SPAG17: variants seen among roughly 807,000 people sequenced by gnomAD.
SPAG17 encodes the protein sperm-associated antigen 17.
A neutral mutation model predicts 273.6 loss-of-function variants in SPAG17; 169 were observed. The ratio of observed to expected loss-of-function variants is 0.62; its 90% confidence interval spans 0.55 to 0.70. The LOEUF (loss-of-function observed/expected upper bound fraction) is 0.70, where lower values mean the gene tolerates loss of function less well. Among genes scored for constraint, SPAG17 ranks in the 30% least tolerant of loss-of-function variants. The pLI is 0.00. For synonymous variants in SPAG17, 825 were observed against 873.2 expected, an observed-to-expected ratio of 0.94 and a Z score of 0.97; for missense variants, 2,557 against 2,627.8, an observed-to-expected ratio of 0.97 and a Z score of 0.59.
intron 4 of SPAG17, among the ~76,000 whole-genome samples, chr1:118,105,857 A>AG (rs35524903): frequency 2.2e-4 from 6 of 27,166 alleles, no homozygotes; most frequent in African/African-American, 1.5e-3. Context: ...ATCAAAAAAG[A>AG]AAAAAAAAGA....
At chr1:118,045,667 C>G (rs1054316525) in intron 20 of SPAG17, among the ~76,000 whole-genome samples, 1 of 152,120 alleles carries the variant, frequency 6.6e-6, no homozygotes, top group Non-Finnish European at 1.5e-5. Flanking sequence ...GTGGAAACCT[C>G]CAAATGAGTA....
chr1:118,081,690 A>AT (rs1223761466), intron 13 of SPAG17, 48 bp from the exon 14 acceptor site: 2 of 1,501,002 alleles, frequency 1.3e-6, no homozygotes, highest in African/African-American at 1.4e-5. Flanking sequence ...TTATTAGCAC[A>AT]TGGTACAGGG....
intron 1 of SPAG17, among the ~76,000 whole-genome samples, chr1:118,155,625 AC>A (rs1659611758): frequency 1.3e-5 from 2 of 152,182 alleles, no homozygotes; most frequent in South Asian, 4.1e-4. Context: ...AGCTATATGA[AC>A]CAGTAGTGGT....
chr1:118,142,003 T>C (rs1242690555), intron 3 of SPAG17, among the ~76,000 whole-genome samples: 1 of 151,292 alleles, frequency 6.6e-6, no homozygotes, highest in Non-Finnish European at 1.5e-5. Flanking sequence ...CTTTCAGTAA[T>C]CATACTCCAC....
chr1:118,071,547 G>A (rs1405264074), intron 17 of SPAG17, among the ~76,000 whole-genome samples: 2 of 152,102 alleles, frequency 1.3e-5, no homozygotes, highest in Non-Finnish European at 2.9e-5. Flanking sequence ...CTACTTGGGA[G>A]GTTGAGGCAG....
chr1:117,953,948 A>G lies in SPAG17; in HGVS notation c.*102T>C. ...ATTTCTGGTCAGTTCTTCCAGTTTC[A>G]GTGTCCTGGGATGATGGAGTATGTT... On this transcript the variant is annotated 3_prime_UTR_variant, in exon 49 of 49. Coordinates refer to ENST00000336338, the MANE Select transcript of SPAG17 (RefSeq NM_206996.4). The G allele has an allele frequency of 2.1e-6, 3 of 1,415,026 alleles. No homozygotes were observed. The East Asian group carries it at 7.0e-5, about 33-fold the overall frequency. The allele number at this position is 1,415,026 out of a possible 1,614,324, so 87.7% of individuals were successfully genotyped here.
chr1:118,057,145 T>G (rs967408015), intron 18 of SPAG17, among the ~76,000 whole-genome samples: 5 of 152,146 alleles, frequency 3.3e-5, no homozygotes, highest in African/African-American at 1.2e-4. Context: ...CCCGGCTTCT[T>G]ATTTTCTTAT....
At chr1:118,184,998 G>C in intron 1 of SPAG17, 73 bp downstream of exon 1, 3 of 1,290,318 alleles carry the variant, frequency 2.3e-6, no homozygotes, top group Non-Finnish European at 3.4e-6. Context: ...GCCTTAAGGC[G>C]TCGCCTAGGA....
chr1:118,028,897 A>C (rs750957823), intron 25 of SPAG17, among the ~76,000 whole-genome samples: 1 of 152,162 alleles, frequency 6.6e-6, no homozygotes, highest in Non-Finnish European at 1.5e-5. Context: ...GAAGAGGTTG[A>C]TGGGAACACC....
chr1:117,958,064 C>G (rs1400236074), intron 48 of SPAG17, among the ~76,000 whole-genome samples: 1 of 152,206 alleles, frequency 6.6e-6, no homozygotes, highest in Admixed American at 6.5e-5. Context: ...CAAGCGGTTA[C>G]AGCAGAGAAC....
At chr1:117,976,092 G>A (rs75621949) in intron 43 of SPAG17, among the ~76,000 whole-genome samples, 4 of 152,110 alleles carry the variant, frequency 2.6e-5, no homozygotes, top group African/African-American at 9.7e-5. Flanking sequence ...TACACAAGGA[G>A]CCCGGATGTG....
At chr1:118,040,686 A>G (rs1649640655) in intron 22 of SPAG17, 44 bp downstream of exon 22, 2 of 1,314,624 alleles carry the variant, frequency 1.5e-6, no homozygotes, top group Non-Finnish European at 1.1e-6. Context: ...TCTGAAATGC[A>G]TTATTATGTT....
At position 117,983,884 on chromosome 1, in the gene SPAG17, T is replaced by G; in HGVS notation, c.5799A>C (p.Lys1933Asn). ...CATTTTTCTTTGTAAAAGAAGGCAG[T>G]TTTTTGGAAAGACTGTCCAGGTGAT... The part of the protein sequence containing the change: ...QYNHLDSLSK[K>N]LPSFTKKNED... Residue 1933 changes from lysine to asparagine, a missense_variant, in exon 42 of 49, where the codon AAA (lysine) becomes AAC (asparagine). Physicochemically the swap from Lys to Asn is moderately conservative, Grantham distance 94 (BLOSUM62 0). Transcript: ENST00000336338. 1 of 1,612,162 alleles carries G rather than the reference T, an allele frequency of 6.2e-7. No homozygotes were observed.
chr1:118,112,363 TTC>T (rs1656811089), intron 4 of SPAG17, among the ~76,000 whole-genome samples: 1 of 152,070 alleles, frequency 6.6e-6, no homozygotes, highest in African/African-American at 2.4e-5. Context: ...AATATATTTG[TTC>T]AGTACATTGC....
intron 5 of SPAG17, among the ~76,000 whole-genome samples, chr1:118,101,129 A>G (rs1656038560): frequency 6.6e-6 from 1 of 152,218 alleles, no homozygotes; most frequent in South Asian, 2.1e-4. Context: ...TATTTGTTTA[A>G]GAGAGCCAGG....
chr1:118,060,327 T>A (rs1652150349), intron 18 of SPAG17, among the ~76,000 whole-genome samples: 1 of 152,128 alleles, frequency 6.6e-6, no homozygotes, highest in Non-Finnish European at 1.5e-5. Flanking sequence ...TTTTCCATTT[T>A]TTAGAGATGT....
chr1:118,073,786 G>C, intron 17 of SPAG17, 68 bp downstream of exon 17: 1 of 1,033,936 alleles, frequency 9.7e-7, no homozygotes, highest in Non-Finnish European at 1.4e-6. Flanking sequence ...GAGGTGAACT[G>C]TTCTAAATCA....
intron 32 of SPAG17, among the ~76,000 whole-genome samples, chr1:117,998,548 G>T (rs901737564): frequency 3.8e-4 from 58 of 151,364 alleles, no homozygotes; most frequent in African/African-American, 1.3e-3. Flanking sequence ...CTCTTTTTTT[G>T]GTTCCATGTG....
At chr1:118,127,414 A>C (rs1171947487) in intron 3 of SPAG17, among the ~76,000 whole-genome samples, 1 of 152,162 alleles carries the variant, frequency 6.6e-6, no homozygotes, top group Non-Finnish European at 1.5e-5. Flanking sequence ...AGGCAGGAGC[A>C]AGATGGGAGT....
Sources: allele counts gnomAD v4.1 joint callset (sites outside exome capture counted in the v4.1 genomes callset), GRCh38; gene constraint gnomAD v4.1.1; transcripts MANE v1.5; gene names NCBI Gene and HGNC (gene_info 2026-07-23, HGNC 2026-07-21).